The following CCND3 variants were observed in gnomAD, a reference collection of about 807,000 sequenced individuals.
CCND3 encodes cyclin D3.
A neutral mutation model predicts 28.7 loss-of-function variants in CCND3; 9 were observed. The observed-to-expected ratio is 0.31, with a 90% CI of 0.19 to 0.55. The LOEUF (loss-of-function observed/expected upper bound fraction) is 0.55. Ranked by LOEUF, CCND3 falls within the 20% of genes least tolerant of loss-of-function variation. The pLI, the probability that CCND3 is intolerant of heterozygous loss-of-function variation, is 0.93. For missense variants in CCND3, 315 were observed against 385.8 expected (o/e 0.82, Z 1.54); for synonymous variants, 164 against 163.9 (o/e 1.00, Z 0.00).
chr6:42,029,370 G>A (rs377541123), intron 1 of CCND3, among the ~76,000 whole-genome samples: 110 of 152,208 alleles, frequency 7.2e-4, no homozygotes, highest in African/African-American at 2.4e-3. Context: ...TATATTTATT[G>A]AGTCTGCTGG....
intron 1 of CCND3, chr6:42,011,004 A>T (rs1388744164): frequency 6.6e-6 from 1 of 152,130 alleles, no homozygotes; most frequent in Non-Finnish European, 1.5e-5. Flanking sequence ...CAAGCAGTCA[A>T]TCGGTCATTT....
At chr6:42,009,482 G>C (rs995872201) in intron 1 of CCND3, among the ~76,000 whole-genome samples, 36 of 152,168 alleles carry the variant, frequency 2.4e-4, no homozygotes, top group Non-Finnish European at 4.4e-4. Flanking sequence ...TGTGGTGGCG[G>C]ATGCCTGTAA....
chr6:41,973,673 T>C (rs1486663486), intron 1 of CCND3, among the ~76,000 whole-genome samples: 1 of 152,186 alleles, frequency 6.6e-6, no homozygotes, highest in Non-Finnish European at 1.5e-5. Context: ...AGTTGTGCAT[T>C]GGAAAAATGA....
At chr6:41,968,872 C>A (rs577829054) in intron 1 of CCND3, among the ~76,000 whole-genome samples, 1 of 152,230 alleles carries the variant, frequency 6.6e-6, no homozygotes, top group South Asian at 2.1e-4. Flanking sequence ...GTGGTGCGAT[C>A]TCTGCTCACT....
intron 1 of CCND3, among the ~76,000 whole-genome samples, chr6:41,960,810 C>G (rs9381101): frequency 0.2 from 30,861 of 152,156 alleles, 3,510 homozygotes; most frequent in Non-Finnish European, 0.25. Context: ...CCTTAAAAGG[C>G]TGGCCTCAAC....
chr6:41,979,995 ATGC>A (rs1263420828), intron 1 of CCND3, among the ~76,000 whole-genome samples: 1 of 17,688 alleles, frequency 5.7e-5, no homozygotes, highest in East Asian at 1.5e-3. Flanking sequence ...CAATGAACAT[ATGC>A]TGCTTTCAAA....
At chr6:41,942,495 T>C (rs955858510), upstream of CCND3, among the ~76,000 whole-genome samples, 7 of 152,124 alleles carry the variant, frequency 4.6e-5, no homozygotes, top group African/African-American at 1.4e-4. Flanking sequence ...AGCTTTAGTC[T>C]AAGTCAGCAT....
intron 1 of CCND3, among the ~76,000 whole-genome samples, chr6:42,004,488 T>G (rs1350427078): frequency 6.6e-6 from 1 of 152,182 alleles, no homozygotes; most frequent in Non-Finnish European, 1.5e-5. Context: ...ATCCCAGCAC[T>G]TTGGGAGGCC....
intron 1 of CCND3, among the ~76,000 whole-genome samples, chr6:42,003,324 G>C (rs771266197): frequency 6.6e-6 from 1 of 151,606 alleles, no homozygotes; most frequent in African/African-American, 2.4e-5. Context: ...TCAGGAGTTT[G>C]AGACAAGCCT....
chr6:42,034,213 T>C (rs1764130491), intron 1 of CCND3, among the ~76,000 whole-genome samples: 1 of 151,008 alleles, frequency 6.6e-6, no homozygotes. Context: ...AGTGGTGCGA[T>C]CTCGGCTCAC....
chr6:41,964,318 CTG>C (rs1386227063), intron 1 of CCND3, among the ~76,000 whole-genome samples: 7 of 148,754 alleles, frequency 4.7e-5, no homozygotes, highest in Admixed American at 3.3e-4. Context: ...GTGTGTGAGT[CTG>C]TGTGTGTGAA....
intron 1 of CCND3, among the ~76,000 whole-genome samples, chr6:41,993,036 T>C (rs1380442630): frequency 2.6e-5 from 4 of 152,096 alleles, no homozygotes; most frequent in Non-Finnish European, 1.5e-5. Flanking sequence ...AGCCCCTAAG[T>C]AACAAGACTA....
intron 1 of CCND3, among the ~76,000 whole-genome samples, chr6:42,001,927 T>C (rs9767067): frequency 0.017 from 2,139 of 129,036 alleles, 46 homozygotes; most frequent in African/African-American, 0.052. Context: ...CCAGCCTGGC[T>C]AACATGGTGA....
chr6:41,979,118 C>T (rs1396733281), intron 1 of CCND3, among the ~76,000 whole-genome samples: 1 of 134,292 alleles, frequency 7.4e-6, no homozygotes, highest in African/African-American at 2.8e-5. Flanking sequence ...TTTCAGTGAG[C>T]CGAGATCACA....
chr6:42,006,443 G>A (rs569044962), intron 1 of CCND3, among the ~76,000 whole-genome samples: 1 of 152,116 alleles, frequency 6.6e-6, no homozygotes, highest in East Asian at 1.9e-4. Context: ...TTCAGGAGTA[G>A]GGCAAGGATG....
intron 1 of CCND3, among the ~76,000 whole-genome samples, chr6:42,045,472 C>A (rs1764513238): frequency 6.6e-6 from 1 of 152,152 alleles, no homozygotes; most frequent in Non-Finnish European, 1.5e-5. Context: ...GGGACAGCTC[C>A]CGCAACACCA....
At chr6:41,979,350 G>A (rs868575370) in intron 1 of CCND3, among the ~76,000 whole-genome samples, 11 of 151,256 alleles carry the variant, frequency 7.3e-5, no homozygotes, top group Non-Finnish European at 1.3e-4. Flanking sequence ...TGGCTAACAC[G>A]GTGAAACCCC....
intron 1 of CCND3, among the ~76,000 whole-genome samples, chr6:42,035,529 G>A (rs1164357085): frequency 3.3e-5 from 5 of 151,324 alleles, no homozygotes; most frequent in Non-Finnish European, 7.4e-5. Context: ...TACCACGCCT[G>A]GCTAATTTTT....
intron 1 of CCND3, among the ~76,000 whole-genome samples, chr6:41,997,163 A>G (rs1762832876): frequency 6.6e-6 from 1 of 152,188 alleles, no homozygotes; most frequent in African/African-American, 2.4e-5. Flanking sequence ...CTGACTTCCT[A>G]GCTTGAATGC....
Sources: allele counts gnomAD v4.1 joint callset (sites outside exome capture counted in the v4.1 genomes callset), GRCh38; gene constraint gnomAD v4.1.1; transcripts MANE v1.5; gene names NCBI Gene and HGNC (gene_info 2026-07-23, HGNC 2026-07-21).